Variants in CCDC7 observed in about 807,000 individuals in gnomAD.
CCDC7 encodes the protein coiled-coil domain-containing protein 7.
CCDC7 carries 183 observed loss-of-function variants against 196.9 expected under a neutral mutation model. The ratio of observed to expected loss-of-function variants is 0.93; its 90% CI spans 0.82 to 1.05. The LOEUF (loss-of-function observed/expected upper bound fraction) is 1.05. Ranked by LOEUF, CCDC7 falls within the 50% of genes least tolerant of loss-of-function variation. CCDC7 has a pLI of 0.00. For missense variants in CCDC7, 1,540 were observed against 1,482.2 expected (o/e 1.04, Z -0.64); for synonymous variants, 525 against 484.6 (o/e 1.08, Z -1.10).
At chr10:32,867,764 C>A (rs1047749536) in intron 41 of CCDC7, among the ~76,000 whole-genome samples, 5 of 151,442 alleles carry the variant, frequency 3.3e-5, no homozygotes, top group African/African-American at 1.2e-4. Flanking sequence ...TTTTAGTAAA[C>A]ATACATTACA....
intron 9 of CCDC7, among the ~76,000 whole-genome samples, chr10:32,517,583 A>G (rs1252271481): frequency 7.6e-6 from 1 of 131,996 alleles, no homozygotes; most frequent in Non-Finnish European, 1.6e-5. Flanking sequence ...ACACATGGAC[A>G]CAGGAAGGGG....
intron 9 of CCDC7, among the ~76,000 whole-genome samples, chr10:32,508,150 A>G (rs2045507775): frequency 6.6e-6 from 1 of 152,176 alleles, no homozygotes. Flanking sequence ...CCCCACCCCC[A>G]TCAAATATAG....
At chr10:32,831,345 G>T (rs1449961537) in intron 32 of CCDC7, among the ~76,000 whole-genome samples, 1 of 152,116 alleles carries the variant, frequency 6.6e-6, no homozygotes, top group Non-Finnish European at 1.5e-5. Flanking sequence ...CAAAGGTCTA[G>T]GACATTATTG....
intron 20 of CCDC7, among the ~76,000 whole-genome samples, chr10:32,656,488 A>G (rs552643962): frequency 6.6e-6 from 1 of 152,336 alleles, no homozygotes; most frequent in South Asian, 2.1e-4. Context: ...GGAAGCAAAC[A>G]CATCCTTCTT....
intron 21 of CCDC7, among the ~76,000 whole-genome samples, chr10:32,677,037 A>G (rs1480860390): frequency 1.3e-5 from 2 of 151,504 alleles, no homozygotes; most frequent in African/African-American, 2.5e-5. Context: ...ATGCAGCCAT[A>G]AAAAATGATG....
chr10:32,467,282 T>G (rs1405562845), intron 5 of CCDC7, among the ~76,000 whole-genome samples: 1 of 151,556 alleles, frequency 6.6e-6, no homozygotes, highest in Non-Finnish European at 1.5e-5. Flanking sequence ...TTTTTTTTTT[T>G]TTGTATTTTA....
intron 15 of CCDC7, 97 bp downstream of exon 16, chr10:32,567,988 T>C: frequency 8.0e-7 from 1 of 1,250,956 alleles, no homozygotes; most frequent in Non-Finnish European, 1.1e-6. Context: ...ATTTAAAAAT[T>C]CATGCCTCTG....
At chr10:32,802,732 C>T (rs1243293192) in intron 29 of CCDC7, among the ~76,000 whole-genome samples, 3 of 152,182 alleles carry the variant, frequency 2.0e-5, no homozygotes, top group Non-Finnish European at 4.4e-5. Context: ...GGCCTGAGAG[C>T]CCCTGGAAAA....
Position 32,726,677 on chromosome 10 carries a change from G to T in CCDC7, c.2570-57G>T. On this transcript the variant is annotated intron_variant, in intron 25 of 41. Transcript: ENST00000639629. ...CTTCAAATATAGAGATTTCACAATA[G>T]ATTTGTTTTTTCATTTAGCGGACTA... 2.1e-6 allele frequency: 2 copies of T among 961,228 alleles called. 1 individual carries two copies. The highest frequency in any genetic ancestry group is 3.2e-6 in the Non-Finnish European group (2 of 626,900). The allele number at this position is 961,228 out of a possible 1,614,324, so 59.5% of individuals were successfully genotyped here. A position where few individuals can be genotyped will look rare whatever the true frequency, so the allele number is the denominator to read the frequency against.
intron 29 of CCDC7, among the ~76,000 whole-genome samples, chr10:32,786,237 A>G (rs1045895382): frequency 6.6e-6 from 1 of 152,234 alleles, no homozygotes; most frequent in East Asian, 1.9e-4. Flanking sequence ...ACCTAAACAA[A>G]TGTCTGACTG....
chr10:32,769,796 G>A lies in CCDC7; in HGVS notation c.2906-9181G>A, dbSNP rs893157708. Reference sequence around the variant, plus strand: ...GGTTTCCAGCTTTATCCATGTCCCTGCAAAAGACATGAACTCATCCTTTTT... The same window carrying A: ...GGTTTCCAGCTTTATCCATGTCCCTACAAAAGACATGAACTCATCCTTTTT... On this transcript the variant is annotated intron_variant, in intron 28 of 41. Coordinates refer to ENST00000639629, the Ensembl canonical transcript of CCDC7. Among the ~76,000 whole-genome samples, 6 of 152,214 alleles carry A rather than the reference G, an allele frequency of 3.9e-5. No individual in the cohort carries two copies. The South Asian group carries it at 1.0e-3, about 26-fold the overall frequency.
At chr10:32,512,731 A>G (rs1160539724) in intron 9 of CCDC7, 5 of 152,216 alleles carry the variant, frequency 3.3e-5, no homozygotes, top group African/African-American at 1.2e-4. Context: ...AAAAAGGAGT[A>G]CTAATAAGAA....
At chr10:32,796,517 C>T (rs987473297) in intron 29 of CCDC7, among the ~76,000 whole-genome samples, 1 of 152,072 alleles carries the variant, frequency 6.6e-6, no homozygotes, top group Non-Finnish European at 1.5e-5. Context: ...TTGGTAAATT[C>T]TATCTTAGAA....
At chr10:32,592,357 A>C (rs902994835) in intron 18 of CCDC7, among the ~76,000 whole-genome samples, 1 of 151,470 alleles carries the variant, frequency 6.6e-6, no homozygotes, top group African/African-American at 2.4e-5. Flanking sequence ...TCTTACCTTT[A>C]TTAATTTTTC....
chr10:32,447,074 T>G (rs2031484229), upstream of CCDC7, among the ~76,000 whole-genome samples: 1 of 152,112 alleles, frequency 6.6e-6, no homozygotes, highest in Non-Finnish European at 1.5e-5. Context: ...TGTTTTCTTC[T>G]AGTAATACTG....
At chr10:32,618,631 C>T (rs1486038700) in intron 18 of CCDC7, among the ~76,000 whole-genome samples, 3 of 151,904 alleles carry the variant, frequency 2.0e-5, no homozygotes, top group African/African-American at 7.2e-5. Context: ...AAAATGCCAT[C>T]TTATTCTCTT....
chr10:32,803,417 T>C (rs538312061), intron 29 of CCDC7, among the ~76,000 whole-genome samples: 1 of 152,314 alleles, frequency 6.6e-6, no homozygotes, highest in East Asian at 1.9e-4. Context: ...TAGAACTGGG[T>C]TCTCTAGGGT....
chr10:32,739,877 C>T (rs2085531130), intron 28 of CCDC7, among the ~76,000 whole-genome samples: 1 of 148,848 alleles, frequency 6.7e-6, no homozygotes, highest in South Asian at 2.2e-4. Context: ...CACCAAACTG[C>T]TGTTTCTGGT....
intron 29 of CCDC7, among the ~76,000 whole-genome samples, chr10:32,795,657 ATTAT>A (rs1392775142): frequency 2.6e-5 from 4 of 152,068 alleles, no homozygotes; most frequent in African/African-American, 7.2e-5. Flanking sequence ...TTAAGGATTA[ATTAT>A]TTATTTGTCT....
Sources: allele counts gnomAD v4.1 joint callset (sites outside exome capture counted in the v4.1 genomes callset), GRCh38; gene constraint gnomAD v4.1.1; transcripts MANE v1.5; gene names NCBI Gene and HGNC (gene_info 2026-07-23, HGNC 2026-07-21).